The following LYPD6B variants were observed in gnomAD, a reference collection of about 807,000 sequenced individuals.
LYPD6B encodes ly6/PLAUR domain-containing protein 6B.
A neutral mutation model predicts 22.8 loss-of-function variants in LYPD6B; 17 were observed. The ratio of observed to expected loss-of-function variants is 0.75; its 90% confidence interval spans 0.51 to 1.12. LYPD6B has a LOEUF of 1.12. Among genes scored for constraint, LYPD6B ranks in the 50% most tolerant of loss-of-function variants. The probability of loss-of-function intolerance (pLI) is 0.00; values close to 1 mark genes in which losing one functional copy is unlikely to be tolerated. For synonymous variants in LYPD6B, 106 were observed against 91.6 expected, an observed-to-expected ratio of 1.16 and a Z score of -0.90; for missense variants, 221 against 258.3, an observed-to-expected ratio of 0.86 and a Z score of 0.99.
At chr2:149,187,538 A>T in intron 3 of LYPD6B, 1 of 1,461,628 alleles carries the variant, frequency 6.8e-7, no homozygotes, top group African/African-American at 1.5e-5. Context: ...TGCGAGCAGG[A>T]TCTCAGGCAA....
chr2:149,153,113 A>T (rs377199191), intron 2 of LYPD6B, among the ~76,000 whole-genome samples: 125 of 152,354 alleles, frequency 8.2e-4, no homozygotes, highest in African/African-American at 2.8e-3. Flanking sequence ...ACAGGGTCTT[A>T]TAGGTAAGTT....
At chr2:149,204,513 TG>T (rs1693379518) in intron 3 of LYPD6B, 1 of 154,480 alleles carries the variant, frequency 6.5e-6, no homozygotes, top group Non-Finnish European at 1.5e-5. Context: ...CCTGCCTACT[TG>T]AAGTCTATAA....
chr2:149,118,145 T>C (rs187084242), intron 1 of LYPD6B: 2 of 152,356 alleles, frequency 1.3e-5, no homozygotes, highest in East Asian at 3.9e-4. Context: ...CCTCATTCTA[T>C]TGGCTGCATA....
intron 1 of LYPD6B, among the ~76,000 whole-genome samples, chr2:149,060,091 A>G (rs6711739): frequency 1.5e-3 from 222 of 152,234 alleles, no homozygotes; most frequent in African/African-American, 5.2e-3. Context: ...CAGGGCCTTG[A>G]CTACTGCACT....
At chr2:149,155,864 C>G (rs1436684292) in intron 2 of LYPD6B, among the ~76,000 whole-genome samples, 2 of 152,196 alleles carry the variant, frequency 1.3e-5, no homozygotes, top group Non-Finnish European at 2.9e-5. Flanking sequence ...ACATCAATCA[C>G]TTCTCCTGTG....
chr2:149,193,528 G>T (rs1692624994), intron 3 of LYPD6B, among the ~76,000 whole-genome samples: 1 of 152,104 alleles, frequency 6.6e-6, no homozygotes, highest in African/African-American at 2.4e-5. Context: ...AGAGGGGGAA[G>T]AGGAAATAAA....
At chr2:149,139,694 A>G (rs1688571548) in intron 2 of LYPD6B, among the ~76,000 whole-genome samples, 1 of 152,206 alleles carries the variant, frequency 6.6e-6, no homozygotes, top group Non-Finnish European at 1.5e-5. Flanking sequence ...TATCTTATTC[A>G]AATTTGCCGT....
Position 149,214,815 on chromosome 2 carries a change from A to G in LYPD6B, c.*105A>G. On this transcript the variant is annotated 3_prime_UTR_variant, in exon 7 of 7. Coordinates refer to ENST00000409642, the MANE Select transcript of LYPD6B (RefSeq NM_177964.5). Reference sequence around the variant, plus strand: ...AAGATCAATCTTGCACTTGGTGAAGAGTGCACATTGGACCTCAAGGCGAAA... The same window carrying G: ...AAGATCAATCTTGCACTTGGTGAAGGGTGCACATTGGACCTCAAGGCGAAA... The G allele has an allele frequency of 8.2e-7, 1 of 1,226,788 alleles. No individual in the cohort carries two copies. Among genetic ancestry groups the G allele is most frequent in the Middle Eastern group, 2.5e-4 (1 of 3,972 alleles). The allele number at this position is 1,226,788 out of a possible 1,614,324, so 76.0% of individuals were successfully genotyped here. A position where few individuals can be genotyped will look rare whatever the true frequency, so the allele number is the denominator to read the frequency against.
intron 2 of LYPD6B, among the ~76,000 whole-genome samples, chr2:149,139,299 C>G (rs1480850012): frequency 6.6e-6 from 1 of 152,158 alleles, no homozygotes; most frequent in African/African-American, 2.4e-5. Flanking sequence ...AGCTCATATT[C>G]CTCTCAGGTG....
rs188959541 is a variant in LYPD6B at position 149,088,530 on chromosome 2, G to A, written c.-66-42353G>A. Among the ~76,000 whole-genome samples the A allele has an allele frequency of 1.6e-3, 240 of 152,280 alleles. 1 individual carries two copies. Among genetic ancestry groups the A allele is most frequent in the African/African-American group, 5.6e-3 (233 of 41,570 alleles). On this transcript the variant is annotated intron_variant, in intron 1 of 6. Coordinates refer to ENST00000409642, the MANE Select transcript of LYPD6B (RefSeq NM_177964.5). ...ATTACCTGGAAAGTGCTGCTCTCCAGGAGCAAGTCCCAGCCACACTGTCTT... is the reference window on the plus strand; with the variant it reads ...ATTACCTGGAAAGTGCTGCTCTCCAAGAGCAAGTCCCAGCCACACTGTCTT...
At chr2:149,088,128 A>C (rs1574944855) in intron 1 of LYPD6B, among the ~76,000 whole-genome samples, 21 of 109,692 alleles carry the variant, frequency 1.9e-4, no homozygotes, top group African/African-American at 3.4e-4. Flanking sequence ...CCTACTGTCC[A>C]CTGTTGGAAT....
chr2:149,038,849 G>C (rs1228097159), intron 1 of LYPD6B, 48 bp downstream of exon 1: 1 of 150,282 alleles, frequency 6.7e-6, no homozygotes, highest in East Asian at 1.9e-4. Context: ...GGTTCGGGAC[G>C]GCTCACCCCG....
intron 1 of LYPD6B, among the ~76,000 whole-genome samples, chr2:149,066,565 C>A (rs934083076): frequency 2.6e-5 from 4 of 152,004 alleles, no homozygotes; most frequent in African/African-American, 9.7e-5. Context: ...TTTTCTTAAT[C>A]CAGTCTATCA....
intron 3 of LYPD6B, among the ~76,000 whole-genome samples, chr2:149,187,911 C>G (rs1157199305): frequency 1.3e-5 from 2 of 152,098 alleles, no homozygotes; most frequent in East Asian, 3.9e-4. Context: ...TAAAATGTGG[C>G]TTTTAGGTAA....
intron 3 of LYPD6B, among the ~76,000 whole-genome samples, chr2:149,176,499 G>A (rs1430244599): frequency 6.6e-6 from 1 of 152,172 alleles, no homozygotes. Context: ...GGTATTGCAA[G>A]AAAGGAATAA....
chr2:149,150,586 A>T (rs990691318), intron 2 of LYPD6B, among the ~76,000 whole-genome samples: 2 of 151,774 alleles, frequency 1.3e-5, no homozygotes, highest in African/African-American at 2.4e-5. Flanking sequence ...TTTATTTGTA[A>T]TTTTTTCCCC....
At chr2:149,043,431 C>T (rs1683177944) in intron 1 of LYPD6B, among the ~76,000 whole-genome samples, 1 of 152,124 alleles carries the variant, frequency 6.6e-6, no homozygotes, top group South Asian at 2.1e-4. Context: ...CTGGAAAAAA[C>T]AGAAACGCAA....
chr2:149,086,827 C>A (rs953777492), intron 1 of LYPD6B, among the ~76,000 whole-genome samples: 1 of 152,160 alleles, frequency 6.6e-6, no homozygotes, highest in African/African-American at 2.4e-5. Flanking sequence ...CCCAGGCTTC[C>A]ACATGGCTGT....
chr2:149,092,831 T>A (rs867574195), intron 1 of LYPD6B, among the ~76,000 whole-genome samples: 1 of 152,148 alleles, frequency 6.6e-6, no homozygotes, highest in South Asian at 2.1e-4. Context: ...TCCTCCTGAG[T>A]TTGTGAAGCC....
Sources: gnomAD v4.1 joint callset for allele counts (sites outside exome capture counted in the v4.1 genomes callset) on GRCh38, gnomAD v4.1.1 for gene constraint, MANE v1.5 for transcripts, NCBI Gene and HGNC (gene_info 2026-07-23, HGNC 2026-07-21) for gene names.